Variants in CHD2 observed in about 807,000 individuals in gnomAD.
CHD2 encodes the protein chromodomain helicase DNA binding protein 2.
CHD2 carries 28 observed loss-of-function variants against 243.9 expected under a neutral mutation model. That is an observed-to-expected ratio of 0.11 (90% CI 0.09 to 0.16). The LOEUF is 0.16. Ranked by LOEUF, CHD2 falls within the 10% of genes least tolerant of loss-of-function variation. CHD2 has a pLI of 1.00. For synonymous variants in CHD2, 775 were observed against 779.0 expected (o/e 0.99, Z 0.09); for missense variants, 1,386 against 2,209.8 (o/e 0.63, Z 7.47).
At chr15:93,023,575 A>G (rs1399016903) in intron 38 of CHD2, among the ~76,000 whole-genome samples, 1 of 152,028 alleles carries the variant, frequency 6.6e-6, no homozygotes, top group Non-Finnish European at 1.5e-5. Context: ...AAACACCAAA[A>G]TGTTTCTACG....
chr15:92,969,874 C>T (rs1282550586), intron 17 of CHD2, among the ~76,000 whole-genome samples: 3 of 147,146 alleles, frequency 2.0e-5, no homozygotes, highest in Non-Finnish European at 3.0e-5. Context: ...TGTAGTGGCA[C>T]GATCTCAGCT....
chr15:92,916,339 C>T (rs966056436), intron 2 of CHD2, among the ~76,000 whole-genome samples: 1 of 152,248 alleles, frequency 6.6e-6, no homozygotes, highest in African/African-American at 2.4e-5. Flanking sequence ...TTTGGGCTCA[C>T]AGTATTTACA....
intron 33 of CHD2, 124 bp downstream of exon 33, chr15:93,002,441 G>C: frequency 6.9e-7 from 1 of 1,440,256 alleles, no homozygotes; most frequent in Middle Eastern, 1.9e-4. Flanking sequence ...GTTCAAGAAG[G>C]ATGGGTGGGG....
At chr15:92,927,138 C>A (rs928061505) in intron 3 of CHD2, 106 bp from the exon 4 acceptor site, 3 of 805,390 alleles carry the variant, frequency 3.7e-6, no homozygotes, top group Middle Eastern at 2.3e-4. Flanking sequence ...GCAAAACAAC[C>A]CTTTTGATAC....
Position 92,946,218 on chromosome 15 carries a change from T to C in CHD2, c.1377+2T>C. 1 of 1,602,716 alleles carries C rather than the reference T, an allele frequency of 6.2e-7. No homozygotes were observed. The highest frequency in any genetic ancestry group is 1.1e-5 in the South Asian group (1 of 89,940). On this transcript the variant is annotated splice_donor_variant, in intron 12 of 38. Coordinates refer to ENST00000394196, the MANE Select transcript of CHD2 (RefSeq NM_001271.4). LOFTEE classifies it high-confidence loss of function. ...ACCATCCCAACAAGAGAATGCAAGG[T>C]ATGGTGATGGTTGGCTTTTGTTTTT...
chr15:92,997,531 T>TA lies in CHD2; in HGVS notation c.3885+129dup. 2 of 808,232 alleles carry TA rather than the reference T, an allele frequency of 2.5e-6. No homozygotes were observed. Among genetic ancestry groups the TA allele is most frequent in the Non-Finnish European group, 3.6e-6 (2 of 554,742 alleles). The allele number at this position is 808,232 out of a possible 1,614,324, so 50.1% of individuals were successfully genotyped here. A position where few individuals can be genotyped will look rare whatever the true frequency, so the allele number is the denominator to read the frequency against. On this transcript the variant is annotated intron_variant, in intron 30 of 38. Transcript: ENST00000394196. The surrounding 1 kb of genome is among the most constrained non-coding windows in gnomAD (Gnocchi z 4.1). ...AAATTAGTATAGTCATTCTTGGAAA[T>TA]ACTTCCATCTTTAGCAGATTGTGGC...
In CHD2 at chr15:93,002,324, A is replaced by T. The variant is rs1000622773; in HGVS notation, c.4278+7A>T. Reference sequence around the variant, plus strand: ...AAAAGATAAGAAAGAGAAGGTAATGATGCCCTTCTGTTCATGCAGATATCC... The same window carrying T: ...AAAAGATAAGAAAGAGAAGGTAATGTTGCCCTTCTGTTCATGCAGATATCC... On this transcript the variant is annotated splice_region_variant and intron_variant, in intron 33 of 38. Coordinates refer to ENST00000394196, the MANE Select transcript of CHD2 (RefSeq NM_001271.4). 1.3e-6 allele frequency: 2 copies of T among 1,590,696 alleles called. No homozygotes were observed.
intron 16 of CHD2, among the ~76,000 whole-genome samples, chr15:92,966,149 C>G (rs2053760427): frequency 6.7e-6 from 1 of 149,746 alleles, no homozygotes; most frequent in Admixed American, 6.7e-5. Flanking sequence ...CTGCAACCTT[C>G]ATCTCCTGGG....
chr15:93,017,177 A>G (rs2054472518), intron 37 of CHD2, among the ~76,000 whole-genome samples: 1 of 152,180 alleles, frequency 6.6e-6, no homozygotes, highest in South Asian at 2.1e-4. Context: ...AAAGACCCAG[A>G]TCCTTAGCCT....
intron 17 of CHD2, among the ~76,000 whole-genome samples, chr15:92,969,812 C>CT (rs11297975): frequency 0.068 from 8,990 of 132,596 alleles, 394 homozygotes; most frequent in South Asian, 0.12. Context: ...TTAAGATTTT[C>CT]TTTTTTTTTT....
chr15:92,904,958 T>C (rs1317307663), intron 2 of CHD2: 4 of 1,536,122 alleles, frequency 2.6e-6, no homozygotes, highest in South Asian at 1.2e-5. Flanking sequence ...CATGCGTTTT[T>C]ACTTGGTACC....
Position 92,997,363 on chromosome 15 carries a change from A to T in CHD2, c.3845A>T (p.Glu1282Val). The T allele has an allele frequency of 6.2e-7, 1 of 1,610,998 alleles. No individual in the cohort carries two copies. The highest frequency in any genetic ancestry group is 8.5e-7 in the Non-Finnish European group (1 of 1,179,000). ...GIYEHGYGNWELIKTDPELKL... is the reference protein window; with the variant it reads ...GIYEHGYGNWVLIKTDPELKL... ...TATGAACATGGCTATGGAAACTGGGAGTTAATTAAAACAGACCCAGAGCTT... is the reference window on the plus strand; with the variant it reads ...TATGAACATGGCTATGGAAACTGGGTGTTAATTAAAACAGACCCAGAGCTT... The change falls in exon 30 of 39, where the codon GAG becomes GTG. Residue 1282 changes from glutamate to valine, a missense_variant. Physicochemically the swap from Glu to Val is moderately radical, Grantham distance 121. Around this residue, in one of 19 missense-constraint regions of CHD2, gnomAD observed 99 missense variants for 176.9 expected, o/e 0.56. Transcript: ENST00000394196. The surrounding 1 kb of genome is among the most constrained non-coding windows in gnomAD (Gnocchi z 4.1).
rs531939278 is a variant in CHD2, at chr15:92,912,602, T to C, written c.62+11303T>C. Among the ~76,000 whole-genome samples, 1,036 of 152,268 alleles carry C rather than the reference T, an allele frequency of 6.8e-3. 4 individuals are homozygous for C. Among genetic ancestry groups the C allele is most frequent in the Middle Eastern group, 0.014 (4 of 294 alleles). On this transcript the variant is annotated intron_variant, in intron 2 of 38. Coordinates refer to ENST00000394196, the MANE Select transcript of CHD2 (RefSeq NM_001271.4). ...GAGCTAGAGTGCAATGGCTCGATCT[T>C]GGCTCACTGCAGCCTCCACCTCCTG... is the stretch of plus-strand genomic sequence containing the variant.
chr15:92,991,388 C>A, intron 26 of CHD2, 88 bp from the exon 27 acceptor site: 1 of 949,442 alleles, frequency 1.1e-6, no homozygotes, highest in Non-Finnish European at 1.6e-6. Flanking sequence ...ATTTGCATGG[C>A]TCATATGTCA....
chr15:92,934,548 T>C (rs2053231676), intron 5 of CHD2, among the ~76,000 whole-genome samples: 1 of 152,236 alleles, frequency 6.6e-6, no homozygotes. Flanking sequence ...ATGTATGGCT[T>C]AGTGGTGGAG....
chr15:92,963,555 A>G (rs2053717255), intron 16 of CHD2, among the ~76,000 whole-genome samples: 1 of 152,206 alleles, frequency 6.6e-6, no homozygotes, highest in East Asian at 1.9e-4. Context: ...ACTATCTTTC[A>G]TATTTATCCA....
chr15:92,944,377 T>C (rs560618746), intron 9 of CHD2, 38 bp from the exon 10 acceptor site: 3 of 1,225,798 alleles, frequency 2.4e-6, no homozygotes, highest in South Asian at 2.5e-5. Context: ...CCCCAGACTT[T>C]AGTTTATGTG....
chr15:92,904,383 G>A, intron 2 of CHD2: 1 of 934,714 alleles, frequency 1.1e-6, no homozygotes, highest in Non-Finnish European at 1.3e-6. Flanking sequence ...TCCGCCCCGT[G>A]ACGTCAGACG....
chr15:93,026,168 T>TCGATA lies in CHD2; in HGVS notation c.*1464_*1465insGATAC, dbSNP rs1339133596. The TCGATA allele has an allele frequency of 6.6e-6, 1 of 152,622 alleles. No individual in the cohort carries two copies. Among genetic ancestry groups the TCGATA allele is most frequent in the East Asian group, 1.9e-4 (1 of 5,194 alleles). 9.5% of individuals were successfully genotyped at this position (152,622 alleles called of 1,614,324 possible). On this transcript the variant is annotated 3_prime_UTR_variant, in exon 39 of 39. Coordinates refer to ENST00000394196, the MANE Select transcript of CHD2 (RefSeq NM_001271.4). The stretch of plus-strand genomic sequence containing the variant: ...TAGATTGCCAGTATTGTTAAGAGTA[T>TCGATA]CCAAAGGCCTTTCTAGATGGAGACA...
Sources: allele counts gnomAD v4.1 joint callset (sites outside exome capture counted in the v4.1 genomes callset), GRCh38; gene constraint gnomAD v4.1.1; regional missense constraint gnomAD v4.1.1; non-coding constraint Gnocchi (gnomAD v3.1); transcripts MANE v1.5; gene names NCBI Gene and HGNC (gene_info 2026-07-23, HGNC 2026-07-21).